Variants in ZNF827 observed in about 807,000 individuals in gnomAD.
ZNF827 encodes the protein zinc finger protein 827.
A neutral mutation model predicts 102.4 loss-of-function variants in ZNF827; 13 were observed. That is an observed-to-expected ratio of 0.13 (90% CI 0.08 to 0.20). The LOEUF (loss-of-function observed/expected upper bound fraction) is 0.20, where lower values mean the gene tolerates loss of function less well. Ranked by LOEUF, ZNF827 falls within the 10% of genes least tolerant of loss-of-function variation. The pLI is 1.00. For synonymous variants in ZNF827, 523 were observed against 536.2 expected, an observed-to-expected ratio of 0.98 and a Z score of 0.34; for missense variants, 1,103 against 1,344.4, an observed-to-expected ratio of 0.82 and a Z score of 2.81.
At chr4:145,804,048 G>A (rs751698514) in intron 8 of ZNF827, among the ~76,000 whole-genome samples, 2 of 152,006 alleles carry the variant, frequency 1.3e-5, no homozygotes, top group Non-Finnish European at 1.5e-5. Context: ...AAGTCTCTTC[G>A]GTGGAAATTT....
At chr4:145,850,398 G>A (rs1030477654) in intron 5 of ZNF827, among the ~76,000 whole-genome samples, 9 of 152,106 alleles carry the variant, frequency 5.9e-5, no homozygotes, top group Non-Finnish European at 1.0e-4. Flanking sequence ...TCAATTCAAC[G>A]GAGACATTTG....
chr4:145,820,847 A>G (rs190020303), intron 8 of ZNF827, among the ~76,000 whole-genome samples: 61 of 151,618 alleles, frequency 4.0e-4, no homozygotes, highest in African/African-American at 1.4e-3. Context: ...TTCCTTTCAC[A>G]CTCCAATCTT....
At chr4:145,936,449 T>C (rs66838267) in intron 1 of ZNF827, among the ~76,000 whole-genome samples, 38,593 of 152,156 alleles carry the variant, frequency 0.25, 7,953 homozygotes, top group African/African-American at 0.57. Flanking sequence ...GGGGCATTTT[T>C]TTTTTTTAAA....
At chr4:145,778,951 A>G (rs919717140) in intron 9 of ZNF827, among the ~76,000 whole-genome samples, 1 of 152,100 alleles carries the variant, frequency 6.6e-6, no homozygotes, top group African/African-American at 2.4e-5. Flanking sequence ...AACCAACCAT[A>G]TTTCTCCACA....
At chr4:145,930,092 A>C (rs1278942517) in intron 1 of ZNF827, among the ~76,000 whole-genome samples, 1 of 152,220 alleles carries the variant, frequency 6.6e-6, no homozygotes, top group African/African-American at 2.4e-5. Context: ...TAAAGAGGGC[A>C]CAGTCACAGA....
rs760211322 is a variant in ZNF827, at chr4:145,885,742, C to G, written c.1683G>C (p.Ala561=). 11 of 1,587,840 alleles carry G rather than the reference C, an allele frequency of 6.9e-6. No individual in the cohort carries two copies. Among genetic ancestry groups the G allele is most frequent in the Non-Finnish European group, 9.4e-6 (11 of 1,167,210 alleles). Residue 561 remains alanine, a synonymous_variant, in exon 4 of 15, where the codon GCG becomes GCC. Transcript: ENST00000508784. ...AGATGTCCTGGCTGAACAATGCTGA[C>G]GCACTGTTGGCCACATACTCGGAGG... The part of the protein sequence containing the change: ...KDPSEYVANS[A]SALFSQDISV...
chr4:145,907,526 T>C (rs1357631604), intron 1 of ZNF827, among the ~76,000 whole-genome samples: 1 of 152,122 alleles, frequency 6.6e-6, no homozygotes, highest in Non-Finnish European at 1.5e-5. Flanking sequence ...GACACCTCCA[T>C]TTTCCAGTCT....
intron 5 of ZNF827, among the ~76,000 whole-genome samples, chr4:145,851,847 C>T (rs893155989): frequency 6.6e-6 from 1 of 152,168 alleles, no homozygotes; most frequent in Non-Finnish European, 1.5e-5. Flanking sequence ...AAGATACACG[C>T]TTAGCTTCTC....
chr4:145,889,802 C>A (rs559974005), intron 3 of ZNF827, among the ~76,000 whole-genome samples: 2 of 152,178 alleles, frequency 1.3e-5, no homozygotes, highest in Admixed American at 6.5e-5. Flanking sequence ...CATGGTGAAA[C>A]CTCGTCTCTA....
chr4:145,829,803 T>C (rs1744028403), intron 7 of ZNF827, among the ~76,000 whole-genome samples: 1 of 152,198 alleles, frequency 6.6e-6, no homozygotes, highest in Non-Finnish European at 1.5e-5. Context: ...TCAGACCCAG[T>C]TGTTAAGCCA....
chr4:145,892,197 T>G (rs750592203), intron 3 of ZNF827, 46 bp downstream of exon 3: 29 of 1,563,292 alleles, frequency 1.9e-5, no homozygotes, highest in Non-Finnish European at 1.9e-5. Context: ...ACAGAAGCCC[T>G]GGCTGTGCCT....
intron 7 of ZNF827, among the ~76,000 whole-genome samples, chr4:145,838,890 T>G (rs4835259): frequency 0.55 from 83,839 of 151,996 alleles, 23,365 homozygotes; most frequent in East Asian, 0.71. Context: ...TACTGTTTAG[T>G]ATCTTTTACT....
intron 1 of ZNF827, among the ~76,000 whole-genome samples, chr4:145,906,891 A>C (rs993630944): frequency 1.3e-5 from 2 of 152,234 alleles, no homozygotes; most frequent in Admixed American, 1.3e-4. Context: ...GGATGCATGA[A>C]GAGTATCTCT....
At chr4:145,925,928 T>C (rs943789548) in intron 1 of ZNF827, among the ~76,000 whole-genome samples, 1 of 152,242 alleles carries the variant, frequency 6.6e-6, no homozygotes, top group Non-Finnish European at 1.5e-5. Context: ...TTTTATTTAT[T>C]CAACAAGTCT....
chr4:145,902,572 G>C lies in ZNF827; in HGVS notation c.687C>G (p.Thr229=). ...CAAATCGCATGGTCTCCTCAGTCCT[G>C]GTGAGAGATTTGTCCTGCAGAACGG... The part of the protein sequence containing the change: ...ANAVLQDKSL[T]RTEETMRFES... The change falls in exon 2 of 15, where the codon ACC becomes ACG. Residue 229 remains threonine (T), a synonymous_variant. Coordinates refer to ENST00000508784, the MANE Select transcript of ZNF827 (RefSeq NM_001306215.2). This position sits in a 1 kb window ranked among gnomAD's most constrained non-coding sequence, Gnocchi z 4.3. The C allele has an allele frequency of 6.2e-7, 1 of 1,614,044 alleles. No homozygotes were observed. Among genetic ancestry groups the C allele is most frequent in the Non-Finnish European group, 8.5e-7 (1 of 1,179,932 alleles).
intron 8 of ZNF827, among the ~76,000 whole-genome samples, chr4:145,790,204 C>T (rs1283410938): frequency 6.6e-6 from 1 of 152,108 alleles, no homozygotes; most frequent in Non-Finnish European, 1.5e-5. Context: ...AAAATATGGG[C>T]ACATATGAGA....
intron 9 of ZNF827, among the ~76,000 whole-genome samples, chr4:145,777,539 CTATGTCATCTAAGT>C (rs1737310073): frequency 6.6e-6 from 1 of 152,158 alleles, no homozygotes; most frequent in Non-Finnish European, 1.5e-5. Flanking sequence ...TTTAAATGAT[CTATGTCATCTAAGT>C]GTTCAGCTTT....
At chr4:145,812,151 C>T (rs1353763360) in intron 8 of ZNF827, among the ~76,000 whole-genome samples, 1 of 151,866 alleles carries the variant, frequency 6.6e-6, no homozygotes, top group Non-Finnish European at 1.5e-5. Context: ...GTCTTTAAAC[C>T]CTGACCTCAG....
At position 145,765,537 on chromosome 4, in the gene ZNF827, T is replaced by A; in HGVS notation, c.3052+10A>T. The stretch of plus-strand genomic sequence containing the variant: ...AGGGTTGAGCAGGCTCACACCCACC[T>A]CCTCCTTACCTTTCTCTGGCTTTTC... On this transcript the variant is annotated intron_variant, in intron 12 of 14. Coordinates refer to ENST00000508784, the MANE Select transcript of ZNF827 (RefSeq NM_001306215.2). This position sits in a 1 kb window ranked among gnomAD's most constrained non-coding sequence, Gnocchi z 4.7. 1 of 1,606,310 alleles carries A rather than the reference T, an allele frequency of 6.2e-7. No individual in the cohort carries two copies. The highest frequency in any genetic ancestry group is 8.5e-7 in the Non-Finnish European group (1 of 1,176,020).
Sources: allele counts gnomAD v4.1 joint callset (sites outside exome capture counted in the v4.1 genomes callset), GRCh38; gene constraint gnomAD v4.1.1; non-coding constraint Gnocchi (gnomAD v3.1); transcripts MANE v1.5; gene names NCBI Gene and HGNC (gene_info 2026-07-23, HGNC 2026-07-21).